The following CSMD1 variants were observed in gnomAD, a reference collection of about 807,000 sequenced individuals.
CSMD1 encodes CUB and sushi domain-containing protein 1.
In CSMD1, 213 loss-of-function variants were observed where a neutral mutation model predicts 417.5. The observed-to-expected ratio is 0.51, with a 90% CI of 0.46 to 0.57. The LOEUF (loss-of-function observed/expected upper bound fraction) is 0.57, where lower values mean the gene tolerates loss of function less well. CSMD1 is among the 20% of genes least tolerant of loss of function. The pLI is 0.00. For synonymous variants in CSMD1, 2,862 were observed against 1,736.8 expected, an observed-to-expected ratio of 1.65 and a Z score of -16.11; for missense variants, 6,923 against 4,529.7, an observed-to-expected ratio of 1.53 and a Z score of -15.17.
chr8:3,762,567 G>A (rs1485710098), intron 5 of CSMD1, among the ~76,000 whole-genome samples: 1 of 152,330 alleles, frequency 6.6e-6, no homozygotes, highest in Non-Finnish European at 1.5e-5. Context: ...ACTCCATTTG[G>A]TATCACAGCC....
intron 18 of CSMD1, among the ~76,000 whole-genome samples, chr8:3,382,203 G>T (rs1035001060): frequency 6.6e-6 from 1 of 151,812 alleles, no homozygotes; most frequent in African/African-American, 2.4e-5. Context: ...AGGTTTTAGT[G>T]AGCCGAGATC....
At chr8:3,783,419 C>T (rs7843226) in intron 5 of CSMD1, among the ~76,000 whole-genome samples, 60,608 of 152,012 alleles carry the variant, frequency 0.4, 12,249 homozygotes, top group South Asian at 0.49. Context: ...GTCAGGCGGC[C>T]CTGGGCGGCC....
chr8:4,350,223 G>T (rs996471063), intron 3 of CSMD1, among the ~76,000 whole-genome samples: 2 of 152,080 alleles, frequency 1.3e-5, no homozygotes, highest in African/African-American at 4.8e-5. Flanking sequence ...AAGCGTCCAG[G>T]CACCTGCCTG....
At chr8:4,336,882 C>A (rs373112745) in intron 3 of CSMD1, among the ~76,000 whole-genome samples, 1 of 151,950 alleles carries the variant, frequency 6.6e-6, no homozygotes, top group Non-Finnish European at 1.5e-5. Flanking sequence ...TAAAAACATA[C>A]GGGAATGGGA....
intron 3 of CSMD1, among the ~76,000 whole-genome samples, chr8:4,301,131 G>C (rs1465333089): frequency 1.3e-5 from 2 of 152,178 alleles, no homozygotes; most frequent in African/African-American, 4.8e-5. Context: ...TGTTTGAGGA[G>C]AGGAATGAGC....
chr8:3,314,602 T>C (rs1805606308), intron 23 of CSMD1, among the ~76,000 whole-genome samples: 1 of 152,234 alleles, frequency 6.6e-6, no homozygotes, highest in Non-Finnish European at 1.5e-5. Flanking sequence ...TTTCTAGTGA[T>C]TTCATTTTAA....
chr8:3,067,633 C>T (rs1336207676), intron 49 of CSMD1, among the ~76,000 whole-genome samples: 1 of 149,508 alleles, frequency 6.7e-6, no homozygotes, highest in Non-Finnish European at 1.5e-5. Context: ...TATATAATAA[C>T]ATTGATCAAC....
rs532291068 is a variant in CSMD1, at chr8:3,802,239, G to A, written c.819-48197C>T. Among the ~76,000 whole-genome samples the A allele has an allele frequency of 3.9e-5, 6 of 152,154 alleles. No individual in the cohort carries two copies. The South Asian group carries it at 1.2e-3, about 32-fold the overall frequency. On this transcript the variant is annotated intron_variant, in intron 5 of 69. Transcript: ENST00000635120. ...AATTCTTAAAAATATACATGATAGA[G>A]GCATAAAATGAGTTTGGAACATCTA...
chr8:4,194,231 G>C (rs967392455), intron 3 of CSMD1, among the ~76,000 whole-genome samples: 1 of 152,052 alleles, frequency 6.6e-6, no homozygotes. Flanking sequence ...AATCAACACT[G>C]CTGCTTTTAA....
At chr8:3,883,924 G>C (rs1457717719) in intron 5 of CSMD1, among the ~76,000 whole-genome samples, 2 of 152,048 alleles carry the variant, frequency 1.3e-5, no homozygotes, top group African/African-American at 4.8e-5. Flanking sequence ...TAAAATATAT[G>C]AATATAGGCA....
chr8:3,970,525 C>T (rs568578645), intron 5 of CSMD1, among the ~76,000 whole-genome samples: 17 of 152,086 alleles, frequency 1.1e-4, no homozygotes, highest in African/African-American at 2.7e-4. Context: ...TCCAGGAGGA[C>T]GATTAAGGAC....
intron 5 of CSMD1, among the ~76,000 whole-genome samples, chr8:3,974,897 A>G (rs1024409781): frequency 6.6e-6 from 1 of 152,100 alleles, no homozygotes; most frequent in Admixed American, 6.5e-5. Context: ...AATAACATAT[A>G]TTTTTATCTA....
intron 1 of CSMD1, among the ~76,000 whole-genome samples, chr8:4,660,732 A>G (rs1184946945): frequency 6.6e-6 from 1 of 152,158 alleles, no homozygotes; most frequent in East Asian, 1.9e-4. Flanking sequence ...ATATTTGACA[A>G]AGGACTAACA....
chr8:4,366,487 C>T (rs1007270444), intron 3 of CSMD1, among the ~76,000 whole-genome samples: 1 of 152,132 alleles, frequency 6.6e-6, no homozygotes, highest in African/African-American at 2.4e-5. Context: ...GTTTTAAGTT[C>T]TTCGATAAAA....
At chr8:3,800,166 A>AATCAG (rs1312733592) in intron 5 of CSMD1, among the ~76,000 whole-genome samples, 38 of 152,260 alleles carry the variant, frequency 2.5e-4, no homozygotes, top group African/African-American at 7.0e-4. Context: ...AAAGAACAAA[A>AATCAG]ATCAGTGGCT....
rs75040689 is a variant in CSMD1, at chr8:4,368,274, T to C, written c.415+51679A>G. 4.9e-3 allele frequency among the ~76,000 whole-genome samples: 746 copies of C among 152,302 alleles called. 7 individuals carry two copies. The highest frequency in any genetic ancestry group is 0.017 in the African/African-American group (687 of 41,572). ...TCTTGTGGCTTTTTTGTTCTGTGTATATGGTGAATCACATTTATTGATATG... is the reference window on the plus strand; with the variant it reads ...TCTTGTGGCTTTTTTGTTCTGTGTACATGGTGAATCACATTTATTGATATG... On this transcript the variant is annotated intron_variant, in intron 3 of 69. Transcript: ENST00000635120.
intron 7 of CSMD1, among the ~76,000 whole-genome samples, chr8:3,622,427 G>C (rs982631985): frequency 1.3e-5 from 2 of 152,092 alleles, no homozygotes; most frequent in African/African-American, 4.8e-5. Context: ...GCTTACAAAG[G>C]CCCACTTGCA....
chr8:4,022,195 T>A (rs531106206), intron 4 of CSMD1, among the ~76,000 whole-genome samples: 1 of 146,926 alleles, frequency 6.8e-6, no homozygotes, highest in South Asian at 2.1e-4. Context: ...TATATATATA[T>A]ATATAACAAT....
chr8:4,261,736 A>G (rs1803900396), intron 3 of CSMD1, among the ~76,000 whole-genome samples: 1 of 152,080 alleles, frequency 6.6e-6, no homozygotes, highest in Non-Finnish European at 1.5e-5. Flanking sequence ...TGCCCCCATC[A>G]CACACAGAAA....
Sources: gnomAD v4.1 joint callset for allele counts (sites outside exome capture counted in the v4.1 genomes callset) on GRCh38, gnomAD v4.1.1 for gene constraint, MANE v1.5 for transcripts, NCBI Gene and HGNC (gene_info 2026-07-23, HGNC 2026-07-21) for gene names.